The following B4GALT6 variants were observed in gnomAD, a reference collection of about 807,000 sequenced individuals.
B4GALT6 encodes the protein beta-1,4-galactosyltransferase 6, also known as UDP-Gal:beta-GlcNAc beta-1,4-galactosyltransferase 6.
A neutral mutation model predicts 46.3 loss-of-function variants in B4GALT6; 14 were observed. The observed-to-expected ratio is 0.30, with a 90% CI of 0.20 to 0.47. The LOEUF (loss-of-function observed/expected upper bound fraction) is 0.47. Ranked by LOEUF, B4GALT6 falls within the 20% of genes least tolerant of loss-of-function variation. The pLI is 0.99. For synonymous variants in B4GALT6, 168 were observed against 162.0 expected (o/e 1.04, Z -0.28); for missense variants, 386 against 480.1 (o/e 0.80, Z 1.83).
the B4GALT6 span, among the ~76,000 whole-genome samples, chr18:31,706,222 T>C: frequency 5.9e-5 from 9 of 152,104 alleles, no homozygotes; most frequent in African/African-American, 4.8e-5. Flanking sequence ...TACATGTACA[T>C]AGATATATTC....
intron 1 of B4GALT6, among the ~76,000 whole-genome samples, chr18:31,682,420 A>T (rs531821017): frequency 6.6e-5 from 10 of 152,342 alleles, no homozygotes; most frequent in African/African-American, 2.4e-4. Flanking sequence ...ATTATCATTT[A>T]TAAGACCTAC....
At chr18:31,684,813 C>A (rs2074526476), upstream of B4GALT6, 1 of 1,017,314 alleles carries the variant, frequency 9.8e-7, no homozygotes, top group Non-Finnish European at 1.2e-6. Flanking sequence ...CGCCGCGGCG[C>A]CCCTGCGGAG....
chr18:31,713,554 T>C, the B4GALT6 span, among the ~76,000 whole-genome samples: 8 of 152,276 alleles, frequency 5.3e-5, no homozygotes, highest in Non-Finnish European at 8.8e-5. Flanking sequence ...ATGTGATGGA[T>C]CCAGCATGCA....
intron 1 of B4GALT6, among the ~76,000 whole-genome samples, chr18:31,666,654 T>C (rs966017091): frequency 1.3e-5 from 2 of 152,210 alleles, no homozygotes; most frequent in African/African-American, 2.4e-5. Flanking sequence ...CCCACATCTG[T>C]GATTTTCTAC....
intron 1 of B4GALT6, among the ~76,000 whole-genome samples, chr18:31,679,995 T>C (rs192267218): frequency 2.0e-3 from 297 of 152,270 alleles, no homozygotes; most frequent in African/African-American, 6.7e-3. Flanking sequence ...TCTAAGACAA[T>C]GGACTGCATC....
Position 31,658,229 on chromosome 18 carries a change from A to G in B4GALT6, c.233-140T>C, listed in dbSNP as rs1177472557. 4 of 618,638 alleles carry G rather than the reference A, an allele frequency of 6.5e-6. No homozygotes were observed. The East Asian group carries it at 1.1e-4, about 18-fold the overall frequency. The allele number at this position is 618,638 out of a possible 1,614,324, so 38.3% of individuals were successfully genotyped here. ...ACTTAAAATCAATTATCTTTAAGGA[A>G]CTAGAGAACAGCAAACTGCTGCGGG... On this transcript the variant is annotated intron_variant, in intron 2 of 8. Coordinates refer to ENST00000306851, the MANE Select transcript of B4GALT6 (RefSeq NM_004775.5).
Position 31,626,404 on chromosome 18 carries a change from A to C in B4GALT6, c.900-20T>G. On this transcript the variant is annotated intron_variant, in intron 7 of 8. Transcript: ENST00000306851. ...TGAACTCTACAATGCCATATATGGA[A>C]ATGAAAATATAGAGAAATAAAATAT... The C allele has an allele frequency of 1.5e-6, 2 of 1,290,674 alleles. No individual in the cohort carries two copies. 80.0% of individuals were successfully genotyped at this position (1,290,674 alleles called of 1,614,324 possible).
intron 1 of B4GALT6, among the ~76,000 whole-genome samples, chr18:31,672,037 G>A (rs1417947478): frequency 1.3e-5 from 2 of 152,364 alleles, no homozygotes; most frequent in South Asian, 2.1e-4. Context: ...GGACACATCT[G>A]CTATAAAACT....
chr18:31,646,472 GA>G, intron 3 of B4GALT6, among the ~76,000 whole-genome samples: 1 of 152,328 alleles, frequency 6.6e-6, no homozygotes, highest in East Asian at 1.9e-4. Context: ...TTCACTGTTA[GA>G]ACAGGATGTA....
the B4GALT6 span, among the ~76,000 whole-genome samples, chr18:31,723,255 C>G: frequency 4.6e-5 from 7 of 152,182 alleles, no homozygotes; most frequent in South Asian, 1.2e-3. Context: ...ATTCATTATC[C>G]CATGAAATCC....
At chr18:31,672,328 A>G (rs1167322170) in intron 1 of B4GALT6, among the ~76,000 whole-genome samples, 1 of 152,252 alleles carries the variant, frequency 6.6e-6, no homozygotes, top group Non-Finnish European at 1.5e-5. Context: ...TAAATGTAGG[A>G]CTGAAGCTAC....
upstream of B4GALT6, among the ~76,000 whole-genome samples, chr18:31,685,029 C>T (rs1456936811): frequency 6.8e-6 from 1 of 146,044 alleles, no homozygotes; most frequent in African/African-American, 2.5e-5. Context: ...CGCGGGGGCC[C>T]GCGGGGGCCC....
At chr18:31,699,636 G>GAA in the B4GALT6 span, among the ~76,000 whole-genome samples, 1,049 of 104,034 alleles carry the variant, frequency 0.01, 14 homozygotes, top group East Asian at 0.074. Context: ...TCTCTTCCTG[G>GAA]AAAAAAAAAA....
At chr18:31,646,850 G>A (rs193232114) in intron 3 of B4GALT6, among the ~76,000 whole-genome samples, 1 of 152,328 alleles carries the variant, frequency 6.6e-6, no homozygotes, top group African/African-American at 2.4e-5. Flanking sequence ...CTGCTTCCCA[G>A]AATAAGTTAG....
chr18:31,709,553 ATGTGTGTGTGTG>A, the B4GALT6 span, among the ~76,000 whole-genome samples: 1,158 of 126,782 alleles, frequency 9.1e-3, 8 homozygotes, highest in South Asian at 0.015. Context: ...TAGGATATAT[ATGTGTGTGTGTG>A]TGTGTGTGTG....
At chr18:31,687,365 G>A (rs1290943705), upstream of B4GALT6, among the ~76,000 whole-genome samples, 1 of 152,156 alleles carries the variant, frequency 6.6e-6, no homozygotes, top group Non-Finnish European at 1.5e-5. Flanking sequence ...GTCTCTTTCT[G>A]CTTAAACACC....
At chr18:31,673,029 T>A (rs994139463) in intron 1 of B4GALT6, among the ~76,000 whole-genome samples, 11 of 152,170 alleles carry the variant, frequency 7.2e-5, no homozygotes, top group African/African-American at 2.7e-4. Flanking sequence ...AGGGAAGGTT[T>A]TCTGGAAGAG....
the B4GALT6 span, among the ~76,000 whole-genome samples, chr18:31,696,814 T>C: frequency 9.8e-5 from 15 of 152,288 alleles, no homozygotes; most frequent in South Asian, 3.1e-3. Context: ...ATAGTAAAGG[T>C]CTGTGGATAT....
At chr18:31,690,884 A>G in the B4GALT6 span, among the ~76,000 whole-genome samples, 7 of 152,162 alleles carry the variant, frequency 4.6e-5, no homozygotes, top group Admixed American at 4.6e-4. Flanking sequence ...ATTCTCAGCA[A>G]ACTAACACAG....
Sources: gnomAD v4.1 joint callset for allele counts (sites outside exome capture counted in the v4.1 genomes callset) on GRCh38, gnomAD v4.1.1 for gene constraint, MANE v1.5 for transcripts, NCBI Gene and HGNC (gene_info 2026-07-23, HGNC 2026-07-21) for gene names.